DMD: variants seen among roughly 807,000 people sequenced by gnomAD.
The protein encoded by DMD is mutant dystrophin.
Under a neutral mutation model 330.1 loss-of-function variants are expected in DMD, and 63 were observed. That is an observed-to-expected ratio of 0.19 (90% CI 0.16 to 0.24). DMD has a LOEUF of 0.24. DMD is among the 10% of genes least tolerant of loss of function. The probability of loss-of-function intolerance (pLI) is 1.00; values close to 1 mark genes in which losing one functional copy is unlikely to be tolerated. For synonymous variants in DMD, 1,223 were observed against 959.8 expected (o/e 1.27, Z -5.07); for missense variants, 3,344 against 2,684.1 (o/e 1.25, Z -5.43).
chrX:33,200,444 GAGA>G (rs1480004874), intron 1 of DMD, among the ~76,000 whole-genome samples: 6 of 111,097 alleles, frequency 5.4e-5, no homozygotes, highest in Non-Finnish European at 9.4e-5. Flanking sequence ...AAGACAAAAA[GAGA>G]AGATCTATGC....
intron 44 of DMD, among the ~76,000 whole-genome samples, chrX:32,182,197 C>T (rs989908757): frequency 2.7e-5 from 3 of 111,512 alleles, no homozygotes; most frequent in African/African-American, 6.5e-5. Context: ...AGCTGAAATG[C>T]GAATAATTCT....
At chrX:32,517,048 C>G (rs765625027) in intron 18 of DMD, 4 of 111,047 alleles carry the variant, frequency 3.6e-5, no homozygotes, top group South Asian at 3.7e-4. Flanking sequence ...TTTTGTTGAT[C>G]TCCAAAAGTT....
At chrX:32,416,742 C>T (rs183145930) in intron 29 of DMD, among the ~76,000 whole-genome samples, 282 of 111,360 alleles carry the variant, frequency 2.5e-3, no homozygotes, top group African/African-American at 8.4e-3. Context: ...AAACCAAATC[C>T]TACTCAACCT....
In DMD at chrX:33,284,733, CTT is replaced by C. The variant is rs113552145; in HGVS notation, c.7+54524_7+54525del. Among the ~76,000 whole-genome samples the C allele has an allele frequency of 2.1e-4, 12 of 56,113 alleles. 2 individuals are homozygous for C. Among genetic ancestry groups the C allele is most frequent in the African/African-American group, 2.5e-4 (5 of 20,137 alleles). The allele number at this position is 56,113 out of a possible 115,157, so 48.7% of individuals were successfully genotyped here. On this transcript the variant is annotated intron_variant, in intron 1 of 17. Coordinates refer to the DMD transcript ENST00000288447. ...CAAAAGAAAAGACTTTAAAAATCAT[CTT>C]TTTTTTTTTGCCCTAATGCTTAATT...
At chrX:32,116,548 C>T (rs1346617753) in intron 44 of DMD, among the ~76,000 whole-genome samples, 1 of 111,901 alleles carries the variant, frequency 8.9e-6, no homozygotes, top group Admixed American at 9.5e-5. Flanking sequence ...ATTATGCCAT[C>T]GTGATGTAAA....
rs886858823 is a variant in DMD, at chrX:32,311,932, A to C, written c.5923-1656T>G. Among the ~76,000 whole-genome samples the C allele has an allele frequency of 4.5e-5, 5 of 111,807 alleles. No individual in the cohort carries two copies. The East Asian group carries it at 1.1e-3, about 25-fold the overall frequency. On this transcript the variant is annotated intron_variant, in intron 41 of 78. Transcript: ENST00000357033. The stretch of plus-strand genomic sequence containing the variant: ...TATGTTGTTCTTAATAAAATTTACA[A>C]GTTAATAAGCTCGTCTTTCTTATTC...
intron 9 of DMD, among the ~76,000 whole-genome samples, chrX:32,682,378 C>A (rs985252674): frequency 1.3e-4 from 15 of 111,266 alleles, no homozygotes; most frequent in African/African-American, 4.9e-4. Context: ...CCATGTGTCC[C>A]GTGACCGACT....
intron 52 of DMD, among the ~76,000 whole-genome samples, chrX:31,690,398 G>A (rs1391956672): frequency 6.2e-5 from 7 of 112,028 alleles, no homozygotes; most frequent in Admixed American, 2.8e-4. Context: ...TCAGAGAAAC[G>A]CAAATCAAAA....
chrX:31,513,567 T>C (rs1439938827), intron 55 of DMD, among the ~76,000 whole-genome samples: 1 of 112,157 alleles, frequency 8.9e-6, no homozygotes, highest in Non-Finnish European at 1.9e-5. Context: ...ATTTCACTTC[T>C]GACTTAACTA....
At chrX:31,768,956 T>C (rs938871960) in intron 51 of DMD, among the ~76,000 whole-genome samples, 1 of 112,443 alleles carries the variant, frequency 8.9e-6, no homozygotes, top group Non-Finnish European at 1.9e-5. Flanking sequence ...AAAGTTGTAA[T>C]TGTAGCTTCC....
intron 44 of DMD, among the ~76,000 whole-genome samples, chrX:32,189,461 C>T (rs1192683530): frequency 9.1e-6 from 1 of 109,643 alleles, no homozygotes; most frequent in African/African-American, 3.3e-5. Flanking sequence ...AAGTATTGTC[C>T]ATAGCTGCTT....
At chrX:32,826,010 A>G (rs982364801) in intron 4 of DMD, among the ~76,000 whole-genome samples, 1 of 111,149 alleles carries the variant, frequency 9.0e-6, no homozygotes, top group African/African-American at 3.3e-5. Flanking sequence ...AAAAAATGAT[A>G]CCTCAAACCC....
intron 48 of DMD, among the ~76,000 whole-genome samples, chrX:31,840,123 G>A (rs920414858): frequency 1.8e-5 from 2 of 111,352 alleles, no homozygotes; most frequent in Non-Finnish European, 3.8e-5. Context: ...CCCCAATACA[G>A]ATCATTTGTA....
intron 7 of DMD, among the ~76,000 whole-genome samples, chrX:32,780,116 C>G (rs2074569703): frequency 9.0e-6 from 1 of 111,699 alleles, no homozygotes; most frequent in Non-Finnish European, 1.9e-5. Flanking sequence ...CTTTAGCATA[C>G]TCAATAAAAT....
At chrX:33,312,801 G>A (rs2053869953) in intron 1 of DMD, among the ~76,000 whole-genome samples, 1 of 111,121 alleles carries the variant, frequency 9.0e-6, no homozygotes, top group Admixed American at 9.6e-5. Flanking sequence ...TCAATACACA[G>A]CCAACAGCAC....
At position 32,820,099 on chromosome X, in the gene DMD, G is replaced by A. The variant is rs752429756; in HGVS notation, c.357+3196C>T. Among the ~76,000 whole-genome samples the A allele has an allele frequency of 7.1e-5, 8 of 111,907 alleles. No homozygotes were observed. In the Admixed American group the frequency reaches 7.6e-4, roughly 11 times the overall value. Reference sequence around the variant, plus strand: ...TCTCAGACAAAGAAAGATTTAAAAAGCATTCCTTCTGATATTCCTCATTGC... The same window carrying A: ...TCTCAGACAAAGAAAGATTTAAAAAACATTCCTTCTGATATTCCTCATTGC... On this transcript the variant is annotated intron_variant, in intron 5 of 78. Transcript: ENST00000357033.
intron 7 of DMD, among the ~76,000 whole-genome samples, chrX:32,743,405 T>C (rs1222599144): frequency 9.0e-6 from 1 of 111,163 alleles, no homozygotes. Context: ...CCAAATAAAC[T>C]AGAAGGGGGA....
At chrX:32,342,346 C>T in intron 40 of DMD, 64 bp from the exon 41 acceptor site, 3 of 1,112,278 alleles carry the variant, frequency 2.7e-6, no homozygotes, top group Non-Finnish European at 1.2e-6. Context: ...GACTTGCAAG[C>T]AGCAAATACT....
chrX:31,192,133 G>A (rs185337637), intron 67 of DMD, among the ~76,000 whole-genome samples: 1 of 111,936 alleles, frequency 8.9e-6, no homozygotes, highest in South Asian at 3.8e-4. Context: ...ACATAAGAGA[G>A]AAGTCTGCAC....
Sources: allele counts gnomAD v4.1 joint callset (sites outside exome capture counted in the v4.1 genomes callset), GRCh38; gene constraint gnomAD v4.1.1; transcripts MANE v1.5; gene names NCBI Gene and HGNC (gene_info 2026-07-23, HGNC 2026-07-21).